The following FRMD5 variants were observed in gnomAD, a reference collection of about 807,000 sequenced individuals.
The protein encoded by FRMD5 is FERM domain containing 5.
Under a neutral mutation model 69.0 loss-of-function variants are expected in FRMD5, and 20 were observed. The observed-to-expected ratio is 0.29, with a 90% CI of 0.20 to 0.42. The LOEUF (loss-of-function observed/expected upper bound fraction) is 0.42, where lower values mean the gene tolerates loss of function less well. FRMD5 is among the 10% of genes least tolerant of loss of function. FRMD5 has a pLI of 1.00. For missense variants in FRMD5, 595 were observed against 708.6 expected, an observed-to-expected ratio of 0.84 and a Z score of 1.82; for synonymous variants, 271 against 260.1, an observed-to-expected ratio of 1.04 and a Z score of -0.40.
chr15:44,159,293 T>C (rs887662923), intron 1 of FRMD5, among the ~76,000 whole-genome samples: 3 of 152,130 alleles, frequency 2.0e-5, no homozygotes, highest in African/African-American at 7.2e-5. Flanking sequence ...ATAAGGTATC[T>C]GTGGAGGAGA....
At chr15:43,933,339 C>T (rs559175473) in intron 1 of FRMD5, among the ~76,000 whole-genome samples, 8 of 152,300 alleles carry the variant, frequency 5.3e-5, no homozygotes, top group Admixed American at 2.0e-4. Context: ...TACCATACTC[C>T]GGACCATTGG....
chr15:43,979,027 A>G (rs2090507968), intron 1 of FRMD5, among the ~76,000 whole-genome samples: 1 of 152,146 alleles, frequency 6.6e-6, no homozygotes, highest in East Asian at 1.9e-4. Flanking sequence ...GGCAATGTAG[A>G]AAATGCTTAT....
Position 43,902,258 on chromosome 15 carries a change from G to A in FRMD5, c.556C>T (p.Gln186Ter). ...TTCAGCTCTGATGTTGCTGGTGTTTGACCACTGGAATAAAGAAGATGAGAT... is the reference window on the plus strand; with the variant it reads ...TTCAGCTCTGATGTTGCTGGTGTTTAACCACTGGAATAAAGAAGATGAGAT... The part of the protein sequence containing the change: ...AEIHKTELSG[Q>*]TPATSELNFL... Residue 186 changes from glutamine (Q) to a stop codon, truncating the protein, a stop_gained, in exon 7 of 14, where the codon CAA (glutamine) becomes TAA (stop). Coordinates refer to ENST00000417257, the MANE Select transcript of FRMD5 (RefSeq NM_032892.5). LOFTEE classifies it high-confidence loss of function. 6.2e-7 allele frequency: 1 copy of A among 1,613,280 alleles called. No individual in the cohort carries two copies. Among genetic ancestry groups the A allele is most frequent in the Non-Finnish European group, 8.5e-7 (1 of 1,179,224 alleles).
chr15:44,087,097 C>T (rs769136111), intron 1 of FRMD5, among the ~76,000 whole-genome samples: 6 of 152,146 alleles, frequency 3.9e-5, no homozygotes, highest in Non-Finnish European at 8.8e-5. Context: ...TGGCTCACTG[C>T]AACTTTCGTC....
At chr15:44,108,985 T>C (rs1200707517) in intron 1 of FRMD5, among the ~76,000 whole-genome samples, 2 of 142,828 alleles carry the variant, frequency 1.4e-5, no homozygotes, top group Admixed American at 6.8e-5. Context: ...TAAAATAAAA[T>C]AAAATAAAAT....
chr15:43,926,439 T>G (rs1031862943), intron 1 of FRMD5, among the ~76,000 whole-genome samples: 3 of 152,158 alleles, frequency 2.0e-5, no homozygotes, highest in Non-Finnish European at 4.4e-5. Context: ...GATCCAAAGA[T>G]CTCTCCTGTG....
At chr15:43,963,807 C>CA (rs900795966) in intron 1 of FRMD5, among the ~76,000 whole-genome samples, 5 of 151,978 alleles carry the variant, frequency 3.3e-5, no homozygotes, top group African/African-American at 7.3e-5. Flanking sequence ...ATTGCAAGGA[C>CA]AAAAAACCAA....
chr15:43,887,699 T>C (rs1246319953), intron 10 of FRMD5, among the ~76,000 whole-genome samples: 1 of 152,044 alleles, frequency 6.6e-6, no homozygotes, highest in Non-Finnish European at 1.5e-5. Flanking sequence ...AGTTCTCATC[T>C]CTCCAGGATC....
intron 1 of FRMD5, among the ~76,000 whole-genome samples, chr15:43,987,093 C>T (rs749862519): frequency 2.5e-4 from 38 of 152,248 alleles, no homozygotes; most frequent in Middle Eastern, 3.4e-3. Flanking sequence ...TCCTCCATTT[C>T]CCTCCCTCTC....
intron 1 of FRMD5, among the ~76,000 whole-genome samples, chr15:44,046,664 G>A (rs778367420): frequency 7.2e-5 from 11 of 152,178 alleles, no homozygotes; most frequent in Non-Finnish European, 1.6e-4. Flanking sequence ...CAATGTTGGT[G>A]TAATTACTTT....
chr15:44,141,977 T>G (rs2077280692), intron 1 of FRMD5, among the ~76,000 whole-genome samples: 1 of 152,198 alleles, frequency 6.6e-6, no homozygotes, highest in Non-Finnish European at 1.5e-5. Context: ...ATTGCTGTCA[T>G]TAAATTAGGC....
At chr15:44,108,098 C>T (rs908309953) in intron 1 of FRMD5, among the ~76,000 whole-genome samples, 9 of 152,110 alleles carry the variant, frequency 5.9e-5, no homozygotes, top group South Asian at 4.1e-4. Flanking sequence ...AGAATGGTTT[C>T]TTACATTTTT....
At chr15:43,897,355 T>G (rs2088935158) in intron 7 of FRMD5, among the ~76,000 whole-genome samples, 1 of 151,758 alleles carries the variant, frequency 6.6e-6, no homozygotes, top group Non-Finnish European at 1.5e-5. Context: ...GGCGTGGTAG[T>G]GTGCACCTGT....
chr15:44,151,975 C>T lies in FRMD5; in HGVS notation c.102+42978G>A, dbSNP rs532081576. Among the ~76,000 whole-genome samples the T allele has an allele frequency of 2.7e-4, 41 of 152,270 alleles. No individual in the cohort carries two copies. The South Asian group carries it at 7.5e-3, about 28-fold the overall frequency. On this transcript the variant is annotated intron_variant, in intron 1 of 13. Coordinates refer to ENST00000417257, the MANE Select transcript of FRMD5 (RefSeq NM_032892.5). Reference sequence around the variant, plus strand: ...CTGTAATCTCAGCACTTTAGGAGGCCGCGGTGGGCAGGTCACTTGAGGTCA... The same window carrying T: ...CTGTAATCTCAGCACTTTAGGAGGCTGCGGTGGGCAGGTCACTTGAGGTCA...
chr15:44,006,071 G>A (rs1433503023), intron 1 of FRMD5, among the ~76,000 whole-genome samples: 7 of 152,130 alleles, frequency 4.6e-5, no homozygotes, highest in East Asian at 1.9e-4. Flanking sequence ...TAAAGTCAAC[G>A]TCTGGCTTCA....
intron 1 of FRMD5, among the ~76,000 whole-genome samples, chr15:43,960,084 A>ATTTTG (rs1265880532): frequency 8.6e-5 from 13 of 151,670 alleles, no homozygotes; most frequent in South Asian, 8.3e-4. Flanking sequence ...TGCCCAGCTA[A>ATTTTG]TTTTGTTTTG....
chr15:44,176,201 T>C (rs1163910813), intron 1 of FRMD5, among the ~76,000 whole-genome samples: 1 of 152,294 alleles, frequency 6.6e-6, no homozygotes, highest in Non-Finnish European at 1.5e-5. Context: ...CAATGGAATA[T>C]AATTTAGAGT....
chr15:43,872,958 C>T lies in FRMD5; in HGVS notation c.*927G>A, dbSNP rs2088200269. 1.9e-6 allele frequency: 1 copy of T among 526,372 alleles called. No homozygotes were observed. Among genetic ancestry groups the T allele is most frequent in the Non-Finnish European group, 3.3e-6 (1 of 299,584 alleles). 32.6% of individuals were successfully genotyped at this position (526,372 alleles called of 1,614,324 possible). A position where few individuals can be genotyped will look rare whatever the true frequency, so the allele number is the denominator to read the frequency against. On this transcript the variant is annotated 3_prime_UTR_variant, in exon 14 of 14. Transcript: ENST00000417257. ...TGCTATCCAAATCTCAACAGTCTCT[C>T]AGGTAACTTAACTCTGCTTTCTCTT...
intron 1 of FRMD5, among the ~76,000 whole-genome samples, chr15:43,949,124 G>C (rs2089989562): frequency 6.6e-6 from 1 of 152,318 alleles, no homozygotes; most frequent in South Asian, 2.1e-4. Flanking sequence ...AAAGAGCTCA[G>C]CAAGGGTCAC....
Sources: gnomAD v4.1 joint callset for allele counts (sites outside exome capture counted in the v4.1 genomes callset) on GRCh38, gnomAD v4.1.1 for gene constraint, MANE v1.5 for transcripts, NCBI Gene and HGNC (gene_info 2026-07-23, HGNC 2026-07-21) for gene names.